The following PPP2R5C variants were observed in gnomAD, a reference collection of about 807,000 sequenced individuals.
PPP2R5C encodes protein phosphatase 2 regulatory subunit B'gamma, also known as serine/threonine-protein phosphatase 2A 56 kDa regulatory subunit gamma isoform.
A neutral mutation model predicts 68.9 loss-of-function variants in PPP2R5C; 7 were observed. That is an observed-to-expected ratio of 0.10 (90% CI 0.06 to 0.19). The LOEUF (loss-of-function observed/expected upper bound fraction) is 0.19, where lower values mean the gene tolerates loss of function less well. Among genes scored for constraint, PPP2R5C ranks in the 10% least tolerant of loss-of-function variants. PPP2R5C has a pLI of 1.00. For synonymous variants in PPP2R5C, 210 were observed against 222.2 expected (o/e 0.95, Z 0.49); for missense variants, 348 against 641.3 (o/e 0.54, Z 4.94).
chr14:101,761,375 C>G (rs1287914748), upstream of PPP2R5C, among the ~76,000 whole-genome samples: 1 of 151,976 alleles, frequency 6.6e-6, no homozygotes, highest in Non-Finnish European at 1.5e-5. Flanking sequence ...ATGCTCCCTC[C>G]CCTGAGTCGG....
chr14:101,796,346 C>G (rs1247921564), intron 3 of PPP2R5C, among the ~76,000 whole-genome samples: 1 of 152,200 alleles, frequency 6.6e-6, no homozygotes, highest in Non-Finnish European at 1.5e-5. Flanking sequence ...TCTTCTCTTG[C>G]ATGTTTTGAT....
intron 2 of PPP2R5C, among the ~76,000 whole-genome samples, chr14:101,775,565 C>A (rs574859211): frequency 6.6e-6 from 1 of 152,184 alleles, no homozygotes; most frequent in African/African-American, 2.4e-5. Context: ...GCGTGAGGGA[C>A]ACCTCTGGCA....
At chr14:101,775,390 A>G (rs1204968296) in intron 2 of PPP2R5C, among the ~76,000 whole-genome samples, 1 of 152,208 alleles carries the variant, frequency 6.6e-6, no homozygotes, top group Non-Finnish European at 1.5e-5. Context: ...ATTTCAAAGT[A>G]GAGAAACTAA....
chr14:101,786,208 G>A (rs1284331929), intron 3 of PPP2R5C, 25 bp downstream of exon 3: 3 of 1,506,114 alleles, frequency 2.0e-6, no homozygotes, highest in Non-Finnish European at 2.7e-6. Context: ...TCTTTTAAAA[G>A]TTAAATTGTG....
intron 8 of PPP2R5C, among the ~76,000 whole-genome samples, chr14:101,898,925 A>C (rs2045518216): frequency 6.6e-6 from 1 of 152,178 alleles, no homozygotes; most frequent in Non-Finnish European, 1.5e-5. Flanking sequence ...GCAGGTGTAC[A>C]TCTCTTGGTA....
At chr14:101,802,951 TAAAAAA>T (rs571594853) in intron 3 of PPP2R5C, among the ~76,000 whole-genome samples, 1 of 99,932 alleles carries the variant, frequency 1.0e-5, no homozygotes, top group Non-Finnish European at 2.0e-5. Context: ...GGCTACTATT[TAAAAAA>T]AAAAAAAAAA....
At chr14:101,767,964 A>T (rs2036945096) in intron 2 of PPP2R5C, among the ~76,000 whole-genome samples, 1 of 152,060 alleles carries the variant, frequency 6.6e-6, no homozygotes, top group South Asian at 2.1e-4. Context: ...GACCCCAGGT[A>T]CCTCCTTTGT....
chr14:101,831,594 A>G (rs551755784), intron 1 of PPP2R5C: 34 of 567,380 alleles, frequency 6.0e-5, no homozygotes, highest in South Asian at 4.2e-4. Context: ...ACTCCTTATC[A>G]TAGTACATTC....
chr14:101,854,865 T>C (rs543722989), intron 1 of PPP2R5C, among the ~76,000 whole-genome samples: 10 of 152,352 alleles, frequency 6.6e-5, no homozygotes, highest in African/African-American at 2.2e-4. Context: ...AAATAACACA[T>C]TTTTAAATGA....
At chr14:101,763,550 T>C (rs891715481) in intron 2 of PPP2R5C, among the ~76,000 whole-genome samples, 3 of 152,012 alleles carry the variant, frequency 2.0e-5, no homozygotes, top group African/African-American at 7.3e-5. Context: ...GCCCGGCTAA[T>C]TTTTGTATTT....
intron 1 of PPP2R5C, chr14:101,820,069 T>G (rs2039959338): frequency 6.6e-6 from 1 of 152,156 alleles, no homozygotes; most frequent in Non-Finnish European, 1.5e-5. Flanking sequence ...AACTTTAAAT[T>G]ATGAGAATAG....
At chr14:101,762,737 G>C (rs145705558) in intron 1 of PPP2R5C, among the ~76,000 whole-genome samples, 168 bp from the exon 2 acceptor site, 33 of 152,282 alleles carry the variant, frequency 2.2e-4, no homozygotes, top group African/African-American at 7.2e-4. Flanking sequence ...GGGGGGCATT[G>C]CACTGTTGGA....
At chr14:101,925,283 G>A in exon 14 of PPP2R5C, 1 of 1,611,334 alleles carries the variant, frequency 6.2e-7, no homozygotes, top group Non-Finnish European at 8.5e-7. Flanking sequence ...CCTCCGGGGC[G>A]CCGCGTCGGG....
intron 1 of PPP2R5C, among the ~76,000 whole-genome samples, chr14:101,829,971 T>C (rs531006682): frequency 2.6e-5 from 4 of 152,254 alleles, no homozygotes; most frequent in Admixed American, 2.6e-4. Context: ...TCAAAACTTG[T>C]TTCTATTTGG....
At chr14:101,785,525 C>T (rs566194448) in intron 2 of PPP2R5C, among the ~76,000 whole-genome samples, 1 of 152,334 alleles carries the variant, frequency 6.6e-6, no homozygotes, top group South Asian at 2.1e-4. Context: ...CTCTCTCTGA[C>T]CCCTGCTTTC....
chr14:101,895,092 T>C (rs2045226337), intron 8 of PPP2R5C, among the ~76,000 whole-genome samples: 1 of 152,344 alleles, frequency 6.6e-6, no homozygotes, highest in East Asian at 1.9e-4. Context: ...TCCATAATTA[T>C]GTCAGAGGAT....
intron 3 of PPP2R5C, among the ~76,000 whole-genome samples, chr14:101,786,795 T>C (rs1458001901): frequency 2.0e-5 from 3 of 152,222 alleles, no homozygotes; most frequent in Non-Finnish European, 4.4e-5. Flanking sequence ...ATTGAGGTGC[T>C]TAAAACCTTA....
intron 1 of PPP2R5C, chr14:101,823,872 C>A (rs2040237103): frequency 8.0e-7 from 1 of 1,249,026 alleles, no homozygotes; most frequent in Admixed American, 2.4e-5. Context: ...TGCAGTGCAG[C>A]TGAAACCAGG....
chr14:101,878,893 C>T (rs1464997451), intron 2 of PPP2R5C, among the ~76,000 whole-genome samples: 3 of 152,264 alleles, frequency 2.0e-5, no homozygotes, highest in Admixed American at 1.3e-4. Context: ...TTGACACATA[C>T]GGCCAGCTGG....
Sources: allele counts gnomAD v4.1 joint callset (sites outside exome capture counted in the v4.1 genomes callset), GRCh38; gene constraint gnomAD v4.1.1; transcripts MANE v1.5; gene names NCBI Gene and HGNC (gene_info 2026-07-23, HGNC 2026-07-21).